PCDHGA8: variants seen among roughly 807,000 people sequenced by gnomAD.
PCDHGA8 encodes protocadherin gamma subfamily A, 8.
PCDHGA8 carries 45 observed loss-of-function variants against 59.2 expected under a neutral mutation model. That is an observed-to-expected ratio of 0.76 (90% CI 0.60 to 0.98). PCDHGA8 has a LOEUF of 0.98. PCDHGA8 is among the 50% of genes least tolerant of loss of function. PCDHGA8 has a pLI of 0.00. For missense variants in PCDHGA8, 1,257 were observed against 1,196.2 expected (o/e 1.05, Z -0.75); for synonymous variants, 531 against 519.0 (o/e 1.02, Z -0.32).
Position 141,491,456 on chromosome 5 carries a change from C to A in PCDHGA8, c.2425-3351C>A. ...TGCAGGCGCCAGGACTCACCCTCCC[C>A]GGACTTCTATAAGCAGTCCAGCCCC... On this transcript the variant is annotated intron_variant, in intron 1 of 3. Coordinates refer to ENST00000398604, the MANE Select transcript of PCDHGA8 (RefSeq NM_032088.2). The surrounding 1 kb of genome is among the most constrained non-coding windows in gnomAD (Gnocchi z 6.9). 1.2e-6 allele frequency: 2 copies of A among 1,614,104 alleles called. No homozygotes were observed.
chr5:141,439,458 C>T (rs2098114160), intron 1 of PCDHGA8, among the ~76,000 whole-genome samples: 1 of 152,214 alleles, frequency 6.6e-6, no homozygotes, highest in East Asian at 1.9e-4. Flanking sequence ...AGCAAGACTG[C>T]ACTGCTGCCT....
intron 1 of PCDHGA8, chr5:141,405,493 C>T: frequency 1.2e-6 from 1 of 841,642 alleles, no homozygotes; most frequent in Middle Eastern, 3.1e-4. Flanking sequence ...GATCTCGGCT[C>T]ATTGCAACCT....
At chr5:141,447,834 C>T (rs2098552835) in intron 1 of PCDHGA8, among the ~76,000 whole-genome samples, 1 of 151,844 alleles carries the variant, frequency 6.6e-6, no homozygotes, top group African/African-American at 2.4e-5. Flanking sequence ...GCCTGTAATC[C>T]CAGTGCTTTG....
intron 1 of PCDHGA8, chr5:141,413,621 A>G (rs369411784): frequency 1.0e-4 from 161 of 1,613,784 alleles, no homozygotes; most frequent in Admixed American, 1.5e-4. Flanking sequence ...ATTAATGAAA[A>G]TGTCGCTGCG....
chr5:141,477,890 C>A lies in PCDHGA8; in HGVS notation c.2425-16917C>A, dbSNP rs202114426. On this transcript the variant is annotated intron_variant, in intron 1 of 3. Transcript: ENST00000398604. This position sits in a 1 kb window ranked among gnomAD's most constrained non-coding sequence, Gnocchi z 4.9. ...TACCTCAGCTGGCCACCTAGTGTCA[C>A]GGGTGGTAGGCTGGGACGCGGATGC... is the stretch of plus-strand genomic sequence containing the variant. 3.1e-6 allele frequency: 5 copies of A among 1,614,204 alleles called. 1 individual carries two copies. In the Admixed American group the frequency reaches 8.3e-5, roughly 27 times the overall value.
intron 3 of PCDHGA8, among the ~76,000 whole-genome samples, chr5:141,509,420 G>A (rs1384424118): frequency 6.6e-6 from 1 of 152,128 alleles, no homozygotes; most frequent in East Asian, 1.9e-4. Context: ...GAGCCCCAAT[G>A]AGTCAAACTC....
chr5:141,400,267 T>C (rs749494967), intron 1 of PCDHGA8: 4 of 1,614,030 alleles, frequency 2.5e-6, no homozygotes, highest in Middle Eastern at 1.6e-4. Context: ...CCTGCGACGC[T>C]CCTCCAGCCC....
chr5:141,420,492 TC>T (rs1172385190), intron 1 of PCDHGA8: 8 of 508,012 alleles, frequency 1.6e-5, no homozygotes, highest in Non-Finnish European at 1.8e-5. Flanking sequence ...ATGGGTAATC[TC>T]CGGTGACATT....
intron 1 of PCDHGA8, chr5:141,400,391 C>T (rs1468153713): frequency 1.2e-6 from 2 of 1,614,076 alleles, no homozygotes; most frequent in Non-Finnish European, 1.7e-6. Flanking sequence ...GTTGCACATA[C>T]AGGAAAGACG....
At chr5:141,404,476 C>G (rs1453332441) in intron 1 of PCDHGA8, 3 of 1,613,362 alleles carry the variant, frequency 1.9e-6, no homozygotes, top group Non-Finnish European at 2.5e-6. Context: ...TCTCTATTAA[C>G]TCAGACACTG....
rs773754361 is a variant in PCDHGA8 at position 141,395,206 on chromosome 5, A to G, written c.2393A>G (p.His798Arg). ...TCTTTGTTAACATCCGTAGATTTTC[A>G]TGAATATAAGAATGAAGCTGATCAT... ...NDSLLTSVDFHEYKNEADHGQ... is the reference protein window; with the variant it reads ...NDSLLTSVDFREYKNEADHGQ... Residue 798 changes from histidine to arginine, a missense_variant, in exon 1 of 4, where the codon CAT becomes CGT. Coordinates refer to ENST00000398604, the MANE Select transcript of PCDHGA8 (RefSeq NM_032088.2). 1.2e-6 allele frequency: 2 copies of G among 1,613,736 alleles called. No individual in the cohort carries two copies. Among genetic ancestry groups the G allele is most frequent in the South Asian group, 1.1e-5 (1 of 91,020 alleles).
At chr5:141,419,630 G>T in intron 1 of PCDHGA8, 2 of 1,612,430 alleles carry the variant, frequency 1.2e-6, no homozygotes, top group African/African-American at 1.3e-5. Flanking sequence ...GGTGACCAAG[G>T]TGGTGGCCGT....
chr5:141,430,953 G>A (rs2097330054), intron 1 of PCDHGA8: 1 of 1,611,124 alleles, frequency 6.2e-7, no homozygotes, highest in African/African-American at 1.3e-5. Context: ...CGCGGAGTCC[G>A]CATCATCCCC....
chr5:141,474,703 C>A (rs2099353282), intron 1 of PCDHGA8, among the ~76,000 whole-genome samples: 1 of 152,188 alleles, frequency 6.6e-6, no homozygotes, highest in African/African-American at 2.4e-5. Flanking sequence ...GTTCAAGGTT[C>A]TATTATACTT....
intron 1 of PCDHGA8, among the ~76,000 whole-genome samples, chr5:141,468,963 C>G (rs951670777): frequency 1.3e-5 from 2 of 150,940 alleles, no homozygotes; most frequent in Admixed American, 6.6e-5. Context: ...TTTTTTTTAC[C>G]TTAGGCTTTT....
intron 1 of PCDHGA8, chr5:141,413,734 C>A: frequency 6.2e-7 from 1 of 1,613,422 alleles, no homozygotes; most frequent in Non-Finnish European, 8.5e-7. Context: ...CCTAAGAGTT[C>A]AGAGCCGTGC....
At chr5:141,410,418 T>C (rs2095390746) in intron 1 of PCDHGA8, 26 of 1,614,052 alleles carry the variant, frequency 1.6e-5, no homozygotes, top group Non-Finnish European at 2.2e-5. Context: ...GGACCTGTAG[T>C]TCCCCCCAAC....
intron 1 of PCDHGA8, chr5:141,478,485 G>C (rs2099459345): frequency 1.2e-6 from 2 of 1,613,204 alleles, no homozygotes; most frequent in East Asian, 4.5e-5. Flanking sequence ...AACACGCTGC[G>C]GAGCTGTGAT....
At chr5:141,423,460 G>A in intron 1 of PCDHGA8, 1 of 1,614,046 alleles carries the variant, frequency 6.2e-7, no homozygotes, top group Non-Finnish European at 8.5e-7. Context: ...TGTAGGCGTG[G>A]ACGGGGTACA....
Sources: allele counts gnomAD v4.1 joint callset (sites outside exome capture counted in the v4.1 genomes callset), GRCh38; gene constraint gnomAD v4.1.1; non-coding constraint Gnocchi (gnomAD v3.1); transcripts MANE v1.5; gene names NCBI Gene and HGNC (gene_info 2026-07-23, HGNC 2026-07-21).